CACNB2: variants seen among roughly 807,000 people sequenced by gnomAD.
The protein encoded by CACNB2 is voltage-dependent L-type calcium channel subunit beta-2.
A neutral mutation model predicts 73.3 loss-of-function variants in CACNB2; 42 were observed. The ratio of observed to expected loss-of-function variants is 0.57; its 90% CI spans 0.45 to 0.74. The LOEUF (loss-of-function observed/expected upper bound fraction) is 0.74, where lower values mean the gene tolerates loss of function less well. CACNB2 is among the 30% of genes least tolerant of loss of function. The pLI is 0.00. For synonymous variants in CACNB2, 348 were observed against 310.3 expected (o/e 1.12, Z -1.28); for missense variants, 940 against 853.0 (o/e 1.10, Z -1.27).
intron 2 of CACNB2, among the ~76,000 whole-genome samples, chr10:18,203,811 C>T (rs910853633): frequency 9.2e-5 from 14 of 152,078 alleles, no homozygotes; most frequent in Non-Finnish European, 1.8e-4. Flanking sequence ...AAATAAAGAA[C>T]CGTAGTTCTT....
chr10:18,151,315 T>C, intron 2 of CACNB2: 1 of 232,526 alleles, frequency 4.3e-6, no homozygotes, highest in East Asian at 1.2e-4. Context: ...GATGTGCATC[T>C]GTATCCCTAC....
chr10:18,394,587 TA>T (rs1486482170), intron 2 of CACNB2, among the ~76,000 whole-genome samples: 1 of 152,196 alleles, frequency 6.6e-6, no homozygotes, highest in Non-Finnish European at 1.5e-5. Context: ...GAGTTATTTA[TA>T]TGACTTGCAT....
At position 18,349,336 on chromosome 10, in the gene CACNB2, G is replaced by A. The variant is rs770937161; in HGVS notation, c.214-52588G>A. 1.1e-4 allele frequency among the ~76,000 whole-genome samples: 17 copies of A among 152,182 alleles called. No individual in the cohort carries two copies. The South Asian group carries it at 1.2e-3, about 11-fold the overall frequency. ...TGTTTAAAGAGACCTAAAAAGAACCGTTTTCCCGGAGCTCCGGCATACTAC... is the reference window on the plus strand; with the variant it reads ...TGTTTAAAGAGACCTAAAAAGAACCATTTTCCCGGAGCTCCGGCATACTAC... On this transcript the variant is annotated intron_variant, in intron 2 of 13. Transcript: ENST00000324631.
At chr10:18,357,229 C>T (rs2132183040) in intron 2 of CACNB2, among the ~76,000 whole-genome samples, 1 of 152,230 alleles carries the variant, frequency 6.6e-6, no homozygotes, top group African/African-American at 2.4e-5. Context: ...AGGCGTGAGC[C>T]ACCGCGCCCG....
At position 18,487,120 on chromosome 10, in the gene CACNB2, T is replaced by C. The variant is rs569224194; in HGVS notation, c.334-11235T>C. Among the ~76,000 whole-genome samples the C allele has an allele frequency of 1.3e-3, 203 of 152,274 alleles. 6 individuals are homozygous for C. The South Asian group carries it at 0.039, about 29-fold the overall frequency. The stretch of plus-strand genomic sequence containing the variant: ...GTGACATTTGCATGGTGCATGAAGA[T>C]GCTGGCCAGCCCACCCTAATCTTTC... On this transcript the variant is annotated intron_variant, in intron 3 of 13. Coordinates refer to ENST00000324631, the MANE Select transcript of CACNB2 (RefSeq NM_201596.3).
chr10:18,337,425 T>A (rs2041052006), intron 2 of CACNB2, among the ~76,000 whole-genome samples: 1 of 152,242 alleles, frequency 6.6e-6, no homozygotes, highest in South Asian at 2.1e-4. Context: ...TATTTACTCT[T>A]ACCCATTGTA....
At chr10:18,418,524 A>G (rs1432619786) in intron 3 of CACNB2, among the ~76,000 whole-genome samples, 3 of 152,226 alleles carry the variant, frequency 2.0e-5, no homozygotes, top group Non-Finnish European at 4.4e-5. Context: ...CTTAATAGGC[A>G]GATAAGATTG....
chr10:18,303,255 C>A (rs550201333), intron 2 of CACNB2, among the ~76,000 whole-genome samples: 2 of 152,310 alleles, frequency 1.3e-5, no homozygotes, highest in Admixed American at 1.3e-4. Context: ...GTAATCCCAG[C>A]ACTTCGGGAG....
In CACNB2 at chr10:18,459,430, C is replaced by T. The variant is rs573127106; in HGVS notation, c.334-38925C>T. 1.1e-4 allele frequency among the ~76,000 whole-genome samples: 17 copies of T among 152,168 alleles called. No homozygotes were observed. In the South Asian group the frequency reaches 2.5e-3, roughly 22 times the overall value. On this transcript the variant is annotated intron_variant, in intron 3 of 13. Transcript: ENST00000324631. ...TCTTTCAGAGTTTCATGGGGCTGAC[C>T]GCCACCACACCACAAATCACCTCAA...
chr10:18,537,953 C>T (rs768550174), intron 12 of CACNB2, among the ~76,000 whole-genome samples: 1 of 152,132 alleles, frequency 6.6e-6, no homozygotes, highest in Non-Finnish European at 1.5e-5. Flanking sequence ...ACAACTGTTA[C>T]CTTTCTGGCC....
At chr10:18,209,124 G>T (rs2035217832) in intron 2 of CACNB2, among the ~76,000 whole-genome samples, 1 of 152,160 alleles carries the variant, frequency 6.6e-6, no homozygotes, top group Non-Finnish European at 1.5e-5. Flanking sequence ...GACTGCATGT[G>T]AAACATAATG....
intron 2 of CACNB2, chr10:18,260,314 T>G: frequency 2.2e-6 from 1 of 448,008 alleles, no homozygotes; most frequent in South Asian, 9.3e-5. Flanking sequence ...GAAGGCAGCC[T>G]TATGTAGTTT....
At chr10:18,154,797 T>C (rs10828277) in intron 2 of CACNB2, among the ~76,000 whole-genome samples, 76,489 of 151,964 alleles carry the variant, frequency 0.5, 19,669 homozygotes, top group African/African-American at 0.61. Flanking sequence ...AAAAAGAGAA[T>C]GAGGTTGCAT....
intron 2 of CACNB2, among the ~76,000 whole-genome samples, chr10:18,203,373 T>G (rs2034963553): frequency 6.6e-6 from 1 of 152,226 alleles, no homozygotes; most frequent in Non-Finnish European, 1.5e-5. Context: ...GTACCTTGGC[T>G]GGCATTAGTC....
chr10:18,448,741 G>A (rs2046867226), intron 3 of CACNB2, among the ~76,000 whole-genome samples: 1 of 152,182 alleles, frequency 6.6e-6, no homozygotes, highest in Non-Finnish European at 1.5e-5. Context: ...TAGGTTGCAG[G>A]TCAAGGTGTG....
At chr10:18,293,899 C>T (rs541365473) in intron 2 of CACNB2, among the ~76,000 whole-genome samples, 2 of 152,286 alleles carry the variant, frequency 1.3e-5, no homozygotes, top group South Asian at 4.1e-4. Flanking sequence ...AAATGTTGAT[C>T]ATTGCTTCAG....
chr10:18,469,975 A>C (rs2048097090), intron 3 of CACNB2, among the ~76,000 whole-genome samples: 1 of 152,132 alleles, frequency 6.6e-6, no homozygotes, highest in African/African-American at 2.4e-5. Flanking sequence ...CCCAACAACA[A>C]AAACAGAGAT....
At chr10:18,260,527 C>A (rs2037488854) in intron 2 of CACNB2, 1 of 985,532 alleles carries the variant, frequency 1.0e-6, no homozygotes, top group Non-Finnish European at 1.2e-6. Flanking sequence ...CCTTACAATT[C>A]ATGTGAAATA....
intron 2 of CACNB2, among the ~76,000 whole-genome samples, chr10:18,395,969 T>C (rs2043694558): frequency 6.6e-6 from 1 of 152,190 alleles, no homozygotes. Flanking sequence ...TTATTGTTAT[T>C]ATTTTGAGAC....
Sources: gnomAD v4.1 joint callset for allele counts (sites outside exome capture counted in the v4.1 genomes callset) on GRCh38, gnomAD v4.1.1 for gene constraint, MANE v1.5 for transcripts, NCBI Gene and HGNC (gene_info 2026-07-23, HGNC 2026-07-21) for gene names.